Variants in MTUS1 observed in about 807,000 individuals in gnomAD.
The protein encoded by MTUS1 is microtubule associated scaffold protein 1, also known as microtubule-associated tumor suppressor 1.
Under a neutral mutation model 120.8 loss-of-function variants are expected in MTUS1, and 109 were observed. The observed-to-expected ratio is 0.90, with a 90% CI of 0.77 to 1.06. MTUS1 has a LOEUF of 1.06. MTUS1 is among the 50% of genes least tolerant of loss of function. The pLI, the probability that MTUS1 is intolerant of heterozygous loss-of-function variation, is 0.00. For synonymous variants in MTUS1, 737 were observed against 550.5 expected (o/e 1.34, Z -4.74); for missense variants, 2,210 against 1,486.3 (o/e 1.49, Z -8.01).
chr8:17,767,274 G>A (rs925587530), intron 1 of MTUS1, among the ~76,000 whole-genome samples: 1 of 150,124 alleles, frequency 6.7e-6, no homozygotes, highest in Admixed American at 6.6e-5. Flanking sequence ...TTTATATTAT[G>A]TGTCATTTCA....
intron 13 of MTUS1, among the ~76,000 whole-genome samples, chr8:17,647,973 G>C (rs1806187126): frequency 1.3e-5 from 2 of 152,124 alleles, no homozygotes; most frequent in Non-Finnish European, 2.9e-5. Flanking sequence ...AAGCAGCTCA[G>C]GACAACCTGT....
In MTUS1 at chr8:17,649,929, A is replaced by C. The variant is rs752448934; in HGVS notation, c.3418T>G (p.Leu1140Val). 1.2e-6 allele frequency: 2 copies of C among 1,609,938 alleles called. No homozygotes were observed. The highest frequency in any genetic ancestry group is 1.7e-6 in the Non-Finnish European group (2 of 1,176,474). ...TCTAACACAGCTTTCAGGCTTTCTA[A>C]CTCCTGTTCTAGATACATGATCTGA... Reference protein sequence around the residue: ...NPQIMYLEQELESLKAVLEIK... With the variant: ...NPQIMYLEQEVESLKAVLEIK... Residue 1140 changes from leucine (L) to valine (V), a missense_variant, in exon 13 of 15, where the codon TTA becomes GTA. Transcript: ENST00000693296.
Position 17,755,918 on chromosome 8 carries a change from T to C in MTUS1, c.-111A>G. The C allele has an allele frequency of 6.8e-7, 1 of 1,468,964 alleles. No homozygotes were observed. Among genetic ancestry groups the C allele is most frequent in the South Asian group, 1.4e-5 (1 of 69,670 alleles). 91.0% of individuals were successfully genotyped at this position (1,468,964 alleles called of 1,614,324 possible). A position where few individuals can be genotyped will look rare whatever the true frequency, so the allele number is the denominator to read the frequency against. On this transcript the variant is annotated 5_prime_UTR_variant, in exon 2 of 15. Transcript: ENST00000693296. Reference sequence around the variant, plus strand: ...TAGGTTTTTCAGCACAGTTGAAAGGTTTTCAGTCTAAGATGCTCTGAAGAT... The same window carrying C: ...TAGGTTTTTCAGCACAGTTGAAAGGCTTTCAGTCTAAGATGCTCTGAAGAT...
At chr8:17,650,752 G>A (rs898192553) in intron 12 of MTUS1, among the ~76,000 whole-genome samples, 7 of 152,114 alleles carry the variant, frequency 4.6e-5, no homozygotes, top group Non-Finnish European at 1.0e-4. Context: ...CAGGGGAGGC[G>A]TCCTCTGAGA....
At chr8:17,793,233 C>G (rs186191709) in intron 1 of MTUS1, among the ~76,000 whole-genome samples, 5 of 152,236 alleles carry the variant, frequency 3.3e-5, no homozygotes, top group African/African-American at 1.2e-4. Context: ...ACTGACTCTT[C>G]ATAATAAAAC....
At chr8:17,764,402 CA>C (rs11400332) in intron 1 of MTUS1, among the ~76,000 whole-genome samples, 5,669 of 138,254 alleles carry the variant, frequency 0.041, 183 homozygotes, top group South Asian at 0.16. Context: ...AAGAAAACTG[CA>C]AAAAAAAAAA....
chr8:17,754,015 GA>G lies in MTUS1; in HGVS notation c.1792del (p.Ser598HisfsTer11), dbSNP rs1563325724. 1 of 1,614,206 alleles carries G rather than the reference GA, an allele frequency of 6.2e-7. No homozygotes were observed. The highest frequency in any genetic ancestry group is 1.1e-5 in the South Asian group (1 of 91,086). On this transcript the variant is annotated frameshift_variant, in exon 2 of 15. Transcript: ENST00000693296. LOFTEE classifies it high-confidence loss of function. Reference protein sequence around the residue: ...VHVTTHSKNASHRVPRTTSAV... With the variant: ...VHVTTHSKNAXHRVPRTTSAV... ...AGATGTTGTTCTTGGAACCCTGTGTGAAGCATTTTTAGAATGAGTTGTAACA... is the reference window on the plus strand; with the variant it reads ...AGATGTTGTTCTTGGAACCCTGTGTGAGCATTTTTAGAATGAGTTGTAACA...
intron 1 of MTUS1, among the ~76,000 whole-genome samples, chr8:17,758,955 C>T (rs1009815360): frequency 2.6e-5 from 4 of 152,198 alleles, no homozygotes; most frequent in African/African-American, 7.2e-5. Context: ...GATCTCGGCT[C>T]ACTGCAACGT....
intron 1 of MTUS1, among the ~76,000 whole-genome samples, chr8:17,769,666 T>G (rs1331169699): frequency 6.6e-6 from 1 of 152,120 alleles, no homozygotes; most frequent in Non-Finnish European, 1.5e-5. Context: ...GTAATCTTAA[T>G]AAGGAAAATG....
At chr8:17,650,736 C>T (rs1214380446) in intron 12 of MTUS1, among the ~76,000 whole-genome samples, 1 of 152,154 alleles carries the variant, frequency 6.6e-6, no homozygotes, top group Admixed American at 6.5e-5. Context: ...AAAATAAATG[C>T]TACATCAGGG....
intron 8 of MTUS1, among the ~76,000 whole-genome samples, chr8:17,671,522 T>C (rs981165455): frequency 6.6e-6 from 1 of 152,152 alleles, no homozygotes; most frequent in Non-Finnish European, 1.5e-5. Context: ...AGTGCTTCCA[T>C]GAAGGGAGTG....
intron 2 of MTUS1, among the ~76,000 whole-genome samples, chr8:17,746,403 T>A (rs1011452106): frequency 3.9e-5 from 6 of 152,098 alleles, no homozygotes; most frequent in African/African-American, 1.4e-4. Flanking sequence ...TGAGACTGGG[T>A]AATTTATAAA....
intron 13 of MTUS1, among the ~76,000 whole-genome samples, chr8:17,647,668 G>A (rs1242360590): frequency 1.3e-5 from 2 of 152,176 alleles, no homozygotes; most frequent in Non-Finnish European, 2.9e-5. Flanking sequence ...CAGGTCAGCT[G>A]AAGATAGATA....
chr8:17,701,127 T>A (rs559318304), intron 6 of MTUS1, among the ~76,000 whole-genome samples: 8 of 152,300 alleles, frequency 5.3e-5, no homozygotes, highest in Admixed American at 3.9e-4. Flanking sequence ...GTGTGGAGAT[T>A]CAAGCATCTC....
intron 1 of MTUS1, among the ~76,000 whole-genome samples, chr8:17,771,979 T>C (rs1317757836): frequency 6.6e-6 from 1 of 152,220 alleles, no homozygotes; most frequent in African/African-American, 2.4e-5. Flanking sequence ...ACATTAAAGA[T>C]GATGGCCATG....
At position 17,644,954 on chromosome 8, in the gene MTUS1, GAAT is replaced by G. The variant is rs1234834172; in HGVS notation, c.*969_*971del. 2 of 152,336 alleles carry G rather than the reference GAAT, an allele frequency of 1.3e-5. No homozygotes were observed. Among genetic ancestry groups the G allele is most frequent in the African/African-American group, 2.4e-5 (1 of 41,416 alleles). 9.4% of individuals were successfully genotyped at this position (152,336 alleles called of 1,614,324 possible). A position where few individuals can be genotyped will look rare whatever the true frequency, so the allele number is the denominator to read the frequency against. On this transcript the variant is annotated 3_prime_UTR_variant, in exon 15 of 15. Transcript: ENST00000693296. ...GTGGAGAAAGGTAAAAGGAAAATGAGAATAATGGGAGGGAAGAAGACAGGTTAA... is the reference window on the plus strand; with the variant it reads ...GTGGAGAAAGGTAAAAGGAAAATGAGAATGGGAGGGAAGAAGACAGGTTAA...
chr8:17,769,232 C>CTTT (rs35061390), intron 1 of MTUS1, among the ~76,000 whole-genome samples: 44 of 131,260 alleles, frequency 3.4e-4, no homozygotes, highest in African/African-American at 1.0e-3. Context: ...GCTTTTATTC[C>CTTT]TTTTTTTTTT....
At chr8:17,801,005 G>C (rs2052641256) in intron 1 of MTUS1, 56 bp downstream of exon 1, 1 of 152,136 alleles carries the variant, frequency 6.6e-6, no homozygotes, top group East Asian at 1.9e-4. Context: ...GCGCTCGCCT[G>C]TCCCCTCCCC....
intron 6 of MTUS1, among the ~76,000 whole-genome samples, chr8:17,703,750 C>G (rs940876487): frequency 6.6e-6 from 1 of 152,088 alleles, no homozygotes; most frequent in African/African-American, 2.4e-5. Flanking sequence ...GACCGGTTCT[C>G]TGCTCTCAAA....
Sources: gnomAD v4.1 joint callset for allele counts (sites outside exome capture counted in the v4.1 genomes callset) on GRCh38, gnomAD v4.1.1 for gene constraint, MANE v1.5 for transcripts, NCBI Gene and HGNC (gene_info 2026-07-23, HGNC 2026-07-21) for gene names.